Variants in KCNH7 observed in about 807,000 individuals in gnomAD.
The protein encoded by KCNH7 is voltage-gated inwardly rectifying potassium channel KCNH7.
Under a neutral mutation model 120.8 loss-of-function variants are expected in KCNH7, and 49 were observed. The ratio of observed to expected loss-of-function variants is 0.41; its 90% CI spans 0.32 to 0.51. The LOEUF (loss-of-function observed/expected upper bound fraction) is 0.51. Among genes scored for constraint, KCNH7 ranks in the 20% least tolerant of loss-of-function variants. KCNH7 has a pLI of 0.38. For synonymous variants in KCNH7, 547 were observed against 516.1 expected, an observed-to-expected ratio of 1.06 and a Z score of -0.81; for missense variants, 1,097 against 1,446.6, an observed-to-expected ratio of 0.76 and a Z score of 3.92.
chr2:162,458,060 A>G (rs1227200191), intron 6 of KCNH7, among the ~76,000 whole-genome samples: 1 of 151,928 alleles, frequency 6.6e-6, no homozygotes, highest in Non-Finnish European at 1.5e-5. Context: ...CTGTATTTAA[A>G]TGATTTTGCA....
In KCNH7 at chr2:162,479,820, T is replaced by C. The variant is rs192755564; in HGVS notation, c.1128+24623A>G. Reference sequence around the variant, plus strand: ...GAGAAGCATTGTGGAGAATCCCTCCTAATGCCTTTTTTTAGTTCATTAATC... The same window carrying C: ...GAGAAGCATTGTGGAGAATCCCTCCCAATGCCTTTTTTTAGTTCATTAATC... On this transcript the variant is annotated intron_variant, in intron 6 of 15. Transcript: ENST00000332142. Among the ~76,000 whole-genome samples, 44 of 152,244 alleles carry C rather than the reference T, an allele frequency of 2.9e-4. No homozygotes were observed. The East Asian group carries it at 6.8e-3, about 23-fold the overall frequency.
chr2:162,620,393 G>T (rs1214517126), intron 2 of KCNH7, among the ~76,000 whole-genome samples: 2 of 151,810 alleles, frequency 1.3e-5, no homozygotes, highest in Non-Finnish European at 2.9e-5. Context: ...CCTATATGCT[G>T]GTGATTCCAA....
At chr2:162,438,469 C>T (rs1161785955) in intron 7 of KCNH7, among the ~76,000 whole-genome samples, 1 of 152,026 alleles carries the variant, frequency 6.6e-6, no homozygotes. Flanking sequence ...ATATATGGGA[C>T]ATGTTGAAGT....
chr2:162,605,156 G>C (rs954012022), intron 2 of KCNH7, among the ~76,000 whole-genome samples: 7 of 152,176 alleles, frequency 4.6e-5, no homozygotes, highest in African/African-American at 1.7e-4. Flanking sequence ...CTGTGAAGAG[G>C]AAATGTGTTT....
At chr2:162,392,582 A>C (rs570642297) in intron 12 of KCNH7, among the ~76,000 whole-genome samples, 10 of 152,196 alleles carry the variant, frequency 6.6e-5, no homozygotes, top group African/African-American at 2.4e-4. Context: ...CTTGTTGAGC[A>C]TCTGCTGTGC....
At chr2:162,567,220 T>TA (rs1693286664) in intron 2 of KCNH7, among the ~76,000 whole-genome samples, 1 of 152,010 alleles carries the variant, frequency 6.6e-6, no homozygotes, top group South Asian at 2.1e-4. Context: ...TTATACTCTA[T>TA]CTTCTAAATG....
intron 2 of KCNH7, among the ~76,000 whole-genome samples, chr2:162,755,447 G>A (rs979509181): frequency 1.3e-5 from 2 of 152,024 alleles, no homozygotes; most frequent in African/African-American, 2.4e-5. Flanking sequence ...ACTCCAGACT[G>A]GGCAACAGAG....
At chr2:162,668,456 C>T (rs1685224937) in intron 2 of KCNH7, among the ~76,000 whole-genome samples, 1 of 152,108 alleles carries the variant, frequency 6.6e-6, no homozygotes, top group Non-Finnish European at 1.5e-5. Context: ...TTCATGAGAA[C>T]TAAAAATCAC....
chr2:162,498,261 T>C (rs1690560958), intron 6 of KCNH7, among the ~76,000 whole-genome samples: 1 of 152,100 alleles, frequency 6.6e-6, no homozygotes, highest in Admixed American at 6.6e-5. Flanking sequence ...GTACGACAAA[T>C]ACTAAGTTTA....
At chr2:162,747,332 G>T (rs1253065555) in intron 2 of KCNH7, among the ~76,000 whole-genome samples, 1 of 152,116 alleles carries the variant, frequency 6.6e-6, no homozygotes, top group Non-Finnish European at 1.5e-5. Flanking sequence ...AATAATAAAA[G>T]AAACCATCAA....
At chr2:162,531,675 A>G (rs1574070492) in intron 3 of KCNH7, among the ~76,000 whole-genome samples, 1 of 151,960 alleles carries the variant, frequency 6.6e-6, no homozygotes, top group African/African-American at 2.4e-5. Context: ...CACCTGGAAG[A>G]TTGATGAATT....
intron 10 of KCNH7, among the ~76,000 whole-genome samples, chr2:162,398,001 A>T (rs1686962726): frequency 1.3e-5 from 2 of 151,814 alleles, no homozygotes; most frequent in Admixed American, 1.3e-4. Flanking sequence ...ATCTCTTTCC[A>T]GTGATTTCCC....
At chr2:162,511,128 A>T (rs542437140) in intron 5 of KCNH7, among the ~76,000 whole-genome samples, 30 of 151,826 alleles carry the variant, frequency 2.0e-4, no homozygotes, top group African/African-American at 6.7e-4. Flanking sequence ...GACTACTCCT[A>T]TTAAAAATGA....
chr2:162,653,418 C>T (rs947731185), intron 2 of KCNH7, among the ~76,000 whole-genome samples: 2 of 151,900 alleles, frequency 1.3e-5, no homozygotes, highest in African/African-American at 2.4e-5. Flanking sequence ...AAATCAGTAG[C>T]AGTTCTATAC....
At chr2:162,553,241 C>T (rs1692738684) in intron 2 of KCNH7, among the ~76,000 whole-genome samples, 2 of 149,676 alleles carry the variant, frequency 1.3e-5, no homozygotes, top group Admixed American at 6.6e-5. Flanking sequence ...CTAAGCAAGA[C>T]ATTTAAGGAA....
At chr2:162,382,607 T>C (rs1686451181) in intron 13 of KCNH7, among the ~76,000 whole-genome samples, 2 of 152,066 alleles carry the variant, frequency 1.3e-5, no homozygotes, top group Non-Finnish European at 2.9e-5. Context: ...CTTTTCATTT[T>C]AGTTTGGCCT....
At chr2:162,595,878 C>G (rs1453999786) in intron 2 of KCNH7, among the ~76,000 whole-genome samples, 8 of 150,970 alleles carry the variant, frequency 5.3e-5, no homozygotes, top group Non-Finnish European at 1.0e-4. Flanking sequence ...TCACGGGTTA[C>G]AAAATCAATA....
intron 12 of KCNH7, among the ~76,000 whole-genome samples, chr2:162,385,876 T>A (rs1488844383): frequency 6.6e-6 from 1 of 151,916 alleles, no homozygotes. Flanking sequence ...CCAACTGTTT[T>A]TAAAAATTCC....
intron 2 of KCNH7, among the ~76,000 whole-genome samples, chr2:162,808,899 T>TTTTTTCTC (rs759080219): frequency 4.6e-5 from 7 of 152,202 alleles, no homozygotes; most frequent in African/African-American, 1.2e-4. Flanking sequence ...TTGGATGGGA[T>TTTTTTCTC]AAGTAATCAT....
Sources: allele counts gnomAD v4.1 joint callset (sites outside exome capture counted in the v4.1 genomes callset), GRCh38; gene constraint gnomAD v4.1.1; transcripts MANE v1.5; gene names NCBI Gene and HGNC (gene_info 2026-07-23, HGNC 2026-07-21).